CDC42: variants seen among roughly 807,000 people sequenced by gnomAD.
CDC42 encodes cell division control protein 42 homolog.
In CDC42, 1 loss-of-function variant was observed where a neutral mutation model predicts 20.8. The ratio of observed to expected loss-of-function variants is 0.05; its 90% CI spans 0.02 to 0.23. The LOEUF is 0.23. Ranked by LOEUF, CDC42 falls within the 10% of genes least tolerant of loss-of-function variation. The pLI is 1.00. For missense variants in CDC42, 49 were observed against 227.9 expected (o/e 0.21, Z 5.05); for synonymous variants, 72 against 84.8 (o/e 0.85, Z 0.83).
At chr1:22,061,922 C>T (rs1645370334) in intron 1 of CDC42, among the ~76,000 whole-genome samples, 2 of 151,416 alleles carry the variant, frequency 1.3e-5, no homozygotes, top group Admixed American at 6.6e-5. Context: ...CCCTATGGAA[C>T]ACCCTTTTTT....
chr1:22,076,995 C>T (rs1020880334), intron 1 of CDC42, among the ~76,000 whole-genome samples: 1 of 151,636 alleles, frequency 6.6e-6, no homozygotes, highest in Non-Finnish European at 1.5e-5. Context: ...AAAACAAAAA[C>T]CAAACAAAAA....
At position 22,096,493 on chromosome 1, in the gene CDC42, T is replaced by C. The variant is rs928212591; in HGVS notation, c.*4976T>C. Among the ~76,000 whole-genome samples the C allele has an allele frequency of 6.6e-6, 1 of 152,242 alleles. No individual in the cohort carries two copies. The highest frequency in any genetic ancestry group is 1.5e-5 in the Non-Finnish European group (1 of 68,038). ...AGTTTTATCTGTGCATGCATATTCA[T>C]GACACATTCATTTGTCATTATTTAT... is the stretch of plus-strand genomic sequence containing the variant. On this transcript the variant is annotated 3_prime_UTR_variant, in exon 6 of 6. Coordinates refer to ENST00000656825, the MANE Select transcript of CDC42 (RefSeq NM_001791.4).
intron 1 of CDC42, among the ~76,000 whole-genome samples, chr1:22,069,780 T>TTTTGTTTG (rs142132504): frequency 0.011 from 1,643 of 149,206 alleles, 28 homozygotes; most frequent in African/African-American, 0.038. Context: ...GTAGAGGTTT[T>TTTTGTTTG]TTTGTTTGTT....
At position 22,094,294 on chromosome 1, in the gene CDC42, A is replaced by ATATTTTTTTT. The variant is rs1645741155; in HGVS notation, c.*2778_*2779insATTTTTTTTT. ...GTTTTACTGAACATCCTAGAAATAG[A>ATATTTTTTTT]TTTTTTTTTTTTTTTTTTTTTGAGA... On this transcript the variant is annotated 3_prime_UTR_variant, in exon 6 of 6. Coordinates refer to ENST00000656825, the MANE Select transcript of CDC42 (RefSeq NM_001791.4). 5.2e-5 allele frequency among the ~76,000 whole-genome samples: 2 copies of ATATTTTTTTT among 38,292 alleles called. No individual in the cohort carries two copies. Among genetic ancestry groups the ATATTTTTTTT allele is most frequent in the Non-Finnish European group, 8.5e-5 (2 of 23,610 alleles). The allele number at this position is 38,292 out of a possible 152,430, so 25.1% of individuals were successfully genotyped here.
At chr1:22,081,614 G>A (rs1287291154) in intron 2 of CDC42, 108 bp from the exon 3 acceptor site, 5 of 694,268 alleles carry the variant, frequency 7.2e-6, no homozygotes, top group East Asian at 5.1e-5. Flanking sequence ...GATGGACTAG[G>A]GGACGATTAA....
At chr1:22,072,060 C>G (rs1264098828) in intron 1 of CDC42, among the ~76,000 whole-genome samples, 1 of 146,430 alleles carries the variant, frequency 6.8e-6, no homozygotes, top group East Asian at 2.0e-4. Context: ...GCTAGAACAA[C>G]TCATAGAACT....
rs191299066 is a variant in CDC42 at position 22,095,615 on chromosome 1, C to G, written c.*4098C>G. ...TACTATGAGTCTTTTTTCAAAGTGC[C>G]TCCACCTTAAAAAAAATTCCTTATT... On this transcript the variant is annotated 3_prime_UTR_variant, in exon 6 of 6. Coordinates refer to ENST00000656825, the MANE Select transcript of CDC42 (RefSeq NM_001791.4). Among the ~76,000 whole-genome samples, 143 of 152,150 alleles carry G rather than the reference C, an allele frequency of 9.4e-4. 1 individual carries two copies. The highest frequency in any genetic ancestry group is 1.5e-3 in the Non-Finnish European group (105 of 67,988).
rs1479196051 is a variant in CDC42, at chr1:22,097,021, G to T, written c.*5504G>T. ...AATAGGCTAAGATGGAGAACTGGGTGGGGAACAATTTGTAATCCTTTTTAG... is the reference window on the plus strand; with the variant it reads ...AATAGGCTAAGATGGAGAACTGGGTTGGGAACAATTTGTAATCCTTTTTAG... On this transcript the variant is annotated 3_prime_UTR_variant, in exon 6 of 6. Coordinates refer to ENST00000656825, the MANE Select transcript of CDC42 (RefSeq NM_001791.4). Among the ~76,000 whole-genome samples, 1 of 152,230 alleles carries T rather than the reference G, an allele frequency of 6.6e-6. No homozygotes were observed. The highest frequency in any genetic ancestry group is 2.4e-5 in the African/African-American group (1 of 41,446).
At chr1:22,054,891 G>GTGTA (rs1351864605) in intron 1 of CDC42, among the ~76,000 whole-genome samples, 3 of 71,890 alleles carry the variant, frequency 4.2e-5, no homozygotes, top group African/African-American at 5.7e-5. Flanking sequence ...TTGAATTTAT[G>GTGTA]TATATATATA....
At chr1:22,088,216 T>C (rs1366205932) in intron 5 of CDC42, among the ~76,000 whole-genome samples, 1 of 152,216 alleles carries the variant, frequency 6.6e-6, no homozygotes, top group Non-Finnish European at 1.5e-5. Context: ...GGGAAAGTCA[T>C]GTGTGAAACA....
At chr1:22,070,291 T>G (rs1645471038) in intron 1 of CDC42, among the ~76,000 whole-genome samples, 1 of 152,162 alleles carries the variant, frequency 6.6e-6, no homozygotes, top group Admixed American at 6.5e-5. Flanking sequence ...CTTTATGTTC[T>G]TAGCTCCCAC....
intron 1 of CDC42, among the ~76,000 whole-genome samples, chr1:22,057,017 G>T (rs1227490134): frequency 6.6e-6 from 1 of 152,156 alleles, no homozygotes; most frequent in South Asian, 2.1e-4. Flanking sequence ...TTCTTGATTG[G>T]TATATTGCTA....
intron 1 of CDC42, among the ~76,000 whole-genome samples, chr1:22,061,532 C>CTTTT (rs555957608): frequency 4.4e-3 from 160 of 36,176 alleles, no homozygotes; most frequent in Non-Finnish European, 7.5e-3. Flanking sequence ...ATGTTTCTTT[C>CTTTT]TTTTTTTTTT....
rs942624928 is a variant in CDC42, at chr1:22,100,339, G to A, written c.*8822G>A. Among the ~76,000 whole-genome samples the A allele has an allele frequency of 2.0e-5, 3 of 152,208 alleles. No individual in the cohort carries two copies. Among genetic ancestry groups the A allele is most frequent in the Admixed American group, 6.5e-5 (1 of 15,284 alleles). ...AGTACAACTCTGTAAAAGAGGCAGG[G>A]ATGGATGATGTCATTTGTCAAATGG... On this transcript the variant is annotated 3_prime_UTR_variant, in exon 6 of 6. Transcript: ENST00000656825.
At position 22,097,908 on chromosome 1, in the gene CDC42, C is replaced by T. The variant is rs1161043762; in HGVS notation, c.*6391C>T. On this transcript the variant is annotated 3_prime_UTR_variant, in exon 6 of 6. Coordinates refer to ENST00000656825, the MANE Select transcript of CDC42 (RefSeq NM_001791.4). The stretch of plus-strand genomic sequence containing the variant: ...ATTTCCCCAAAAGCAAATAAATGCT[C>T]GATGGATTTTGGGTCCACCATGCAT... 6.6e-6 allele frequency among the ~76,000 whole-genome samples: 1 copy of T among 152,176 alleles called. No individual in the cohort carries two copies. Among genetic ancestry groups the T allele is most frequent in the South Asian group, 2.1e-4 (1 of 4,828 alleles).
Position 22,081,794 on chromosome 1 carries a change from G to A in CDC42, c.178G>A (p.Gly60Arg). The A allele has an allele frequency of 6.3e-7, 1 of 1,579,424 alleles. No individual in the cohort carries two copies. Among genetic ancestry groups the A allele is most frequent in the Non-Finnish European group, 8.7e-7 (1 of 1,149,192 alleles). Residue 60 changes from glycine (G) to arginine (R), a missense_variant and splice_region_variant, in exon 3 of 6, where the codon GGG becomes AGG. Gly to Arg is a moderately radical substitution (Grantham distance 125). This residue lies in a region of CDC42 where 11 missense variants were observed against 121.3 expected (regional missense o/e 0.09). Transcript: ENST00000656825. ...PYTLGLFDTA[G>R]QEDYDRLRPL... ...TACTCTTGGACTTTTTGATACTGCAGGTGAAAACTTAATGTCTTTTATACT... is the reference window on the plus strand; with the variant it reads ...TACTCTTGGACTTTTTGATACTGCAAGTGAAAACTTAATGTCTTTTATACT...
At position 22,095,137 on chromosome 1, in the gene CDC42, T is replaced by C. The variant is rs190482773; in HGVS notation, c.*3620T>C. 6.6e-6 allele frequency among the ~76,000 whole-genome samples: 1 copy of C among 152,326 alleles called. No individual in the cohort carries two copies. The highest frequency in any genetic ancestry group is 2.4e-5 in the African/African-American group (1 of 41,570). On this transcript the variant is annotated 3_prime_UTR_variant, in exon 6 of 6. Coordinates refer to ENST00000656825, the MANE Select transcript of CDC42 (RefSeq NM_001791.4). Reference sequence around the variant, plus strand: ...GGCTGATGGTTAGGGCATCTCTGAATGATTATTGGAGGGAAGTGGCTTTAT... The same window carrying C: ...GGCTGATGGTTAGGGCATCTCTGAACGATTATTGGAGGGAAGTGGCTTTAT...
In CDC42 at chr1:22,078,405, CAAAT is replaced by C; in HGVS notation, c.-50-23_-50-20del. On this transcript the variant is annotated intron_variant, in intron 1 of 5. Coordinates refer to ENST00000656825, the MANE Select transcript of CDC42 (RefSeq NM_001791.4). Reference sequence around the variant, plus strand: ...AAATCCATATGTAAGTATAAATAAACAAATGTCTTTAATCTTTTTGCAGGTCATC... The same window carrying C: ...AAATCCATATGTAAGTATAAATAAACGTCTTTAATCTTTTTGCAGGTCATC... 8.6e-7 allele frequency: 1 copy of C among 1,160,808 alleles called. No homozygotes were observed. The highest frequency in any genetic ancestry group is 1.3e-6 in the Non-Finnish European group (1 of 796,400). The allele number at this position is 1,160,808 out of a possible 1,614,324, so 71.9% of individuals were successfully genotyped here.
At chr1:22,054,901 A>ATG (rs1645279254) in intron 1 of CDC42, among the ~76,000 whole-genome samples, 2 of 10,090 alleles carry the variant, frequency 2.0e-4, no homozygotes, top group Non-Finnish European at 5.9e-4. Flanking sequence ...GTATATATAT[A>ATG]TATATATATA....
Sources: allele counts gnomAD v4.1 joint callset (sites outside exome capture counted in the v4.1 genomes callset), GRCh38; gene constraint gnomAD v4.1.1; regional missense constraint gnomAD v4.1.1; transcripts MANE v1.5; gene names NCBI Gene and HGNC (gene_info 2026-07-23, HGNC 2026-07-21).